Variants in EVL observed in about 807,000 individuals in gnomAD.
The protein encoded by EVL is ena/VASP-like protein.
Under a neutral mutation model 59.6 loss-of-function variants are expected in EVL, and 21 were observed. The ratio of observed to expected loss-of-function variants is 0.35; its 90% CI spans 0.25 to 0.51. The LOEUF (loss-of-function observed/expected upper bound fraction) is 0.51. Among genes scored for constraint, EVL ranks in the 20% least tolerant of loss-of-function variants. The pLI, the probability that EVL is intolerant of heterozygous loss-of-function variation, is 0.97. For missense variants in EVL, 462 were observed against 546.6 expected (o/e 0.85, Z 1.54); for synonymous variants, 198 against 203.5 (o/e 0.97, Z 0.23).
At chr14:100,082,880 C>T (rs1045775758) in intron 1 of EVL, among the ~76,000 whole-genome samples, 1 of 152,224 alleles carries the variant, frequency 6.6e-6, no homozygotes, top group East Asian at 1.9e-4. Flanking sequence ...CAGGAATGGG[C>T]TGGCACTGGT....
chr14:100,121,151 G>C (rs541927718), intron 3 of EVL, among the ~76,000 whole-genome samples: 1 of 152,190 alleles, frequency 6.6e-6, no homozygotes, highest in East Asian at 1.9e-4. Flanking sequence ...CACTAGACAC[G>C]AGGGAGTCTG....
intron 2 of EVL, among the ~76,000 whole-genome samples, chr14:100,090,380 A>G (rs771835384): frequency 1.3e-5 from 2 of 152,320 alleles, no homozygotes; most frequent in Non-Finnish European, 1.5e-5. Flanking sequence ...TAAAGAAGAA[A>G]CAATGCCAGT....
intron 1 of EVL, among the ~76,000 whole-genome samples, chr14:100,010,888 T>G (rs1199024415): frequency 4.6e-5 from 7 of 152,332 alleles, no homozygotes; most frequent in Non-Finnish European, 8.8e-5. Flanking sequence ...AATGTTCCGT[T>G]TTTCATCTTT....
At chr14:100,074,689 C>T (rs1368398541) in intron 1 of EVL, 1 of 152,660 alleles carries the variant, frequency 6.6e-6, no homozygotes, top group East Asian at 1.9e-4. Context: ...GGGCACCAGC[C>T]AGCCAGACTT....
chr14:99,982,642 G>A (rs1269780384), intron 1 of EVL, among the ~76,000 whole-genome samples: 4 of 152,020 alleles, frequency 2.6e-5, no homozygotes, highest in Non-Finnish European at 5.9e-5. Flanking sequence ...CCAGGGGAGG[G>A]AGCCCTGTTC....
In EVL at chr14:99,971,517, G is replaced by A. The variant is rs1432307674; in HGVS notation, c.-536G>A. 2.6e-5 allele frequency: 4 copies of A among 151,750 alleles called. No homozygotes were observed. The South Asian group carries it at 6.2e-4, about 24-fold the overall frequency. The allele number at this position is 151,750 out of a possible 1,614,324, so 9.4% of individuals were successfully genotyped here. Reference sequence around the variant, plus strand: ...GCGCTCATTCACCTCAGCGGCCGCGGGCGGAGGGGCGCACGCGCGCGCAGT... The same window carrying A: ...GCGCTCATTCACCTCAGCGGCCGCGAGCGGAGGGGCGCACGCGCGCGCAGT... On this transcript the variant is annotated 5_prime_UTR_variant, in exon 1 of 14. Coordinates refer to the EVL transcript ENST00000402714.
chr14:100,006,008 TTCC>T (rs745913037), intron 1 of EVL, among the ~76,000 whole-genome samples: 2,284 of 52,582 alleles, frequency 0.043, 66 homozygotes, highest in African/African-American at 0.12. Flanking sequence ...TGCTGGCCAT[TTCC>T]CCCCCCCCCC....
intron 1 of EVL, among the ~76,000 whole-genome samples, chr14:100,040,643 T>C (rs2140232456): frequency 6.6e-6 from 1 of 152,292 alleles, no homozygotes; most frequent in South Asian, 2.1e-4. Flanking sequence ...TGAGGCACCT[T>C]CCCTGGGATG....
intron 11 of EVL, chr14:100,140,276 T>C (rs1889084710): frequency 6.6e-6 from 1 of 152,094 alleles, no homozygotes; most frequent in African/African-American, 2.4e-5. Flanking sequence ...TACCTTAGTT[T>C]GGAAACTTTT....
intron 2 of EVL, chr14:100,085,195 A>T: frequency 5.4e-6 from 1 of 183,564 alleles, no homozygotes; most frequent in Non-Finnish European, 1.1e-5. Flanking sequence ...TTCATATGTA[A>T]GGTAGCTATT....
intron 1 of EVL, among the ~76,000 whole-genome samples, chr14:100,001,109 G>A (rs1038881836): frequency 2.6e-5 from 4 of 152,136 alleles, no homozygotes; most frequent in African/African-American, 7.2e-5. Context: ...TAGAGGCCAC[G>A]TTACTCTGAA....
At chr14:100,027,336 C>A (rs2061230995) in intron 1 of EVL, among the ~76,000 whole-genome samples, 1 of 152,114 alleles carries the variant, frequency 6.6e-6, no homozygotes, top group African/African-American at 2.4e-5. Flanking sequence ...CTACTGAACA[C>A]TAAATCTTAT....
chr14:100,034,084 A>G (rs370374157), intron 1 of EVL, among the ~76,000 whole-genome samples: 1 of 151,336 alleles, frequency 6.6e-6, no homozygotes, highest in Non-Finnish European at 1.5e-5. Flanking sequence ...ACAAAAAACA[A>G]AAAAAAACAG....
At chr14:100,076,722 A>G (rs1198937138) in intron 1 of EVL, among the ~76,000 whole-genome samples, 2 of 152,218 alleles carry the variant, frequency 1.3e-5, no homozygotes, top group African/African-American at 2.4e-5. Context: ...GCCACAGCAG[A>G]GGCCACAGAG....
intron 1 of EVL, among the ~76,000 whole-genome samples, chr14:100,024,059 G>A (rs1035218552): frequency 6.6e-6 from 1 of 152,130 alleles, no homozygotes; most frequent in African/African-American, 2.4e-5. Flanking sequence ...ATTTATTTCC[G>A]GGAGGAATGT....
At chr14:99,987,162 A>G (rs776800896) in intron 1 of EVL, among the ~76,000 whole-genome samples, 3 of 152,232 alleles carry the variant, frequency 2.0e-5, no homozygotes, top group Non-Finnish European at 2.9e-5. Context: ...ATCTGATAAG[A>G]GATTTATATC....
intron 1 of EVL, chr14:100,019,690 A>C (rs1189843155): frequency 3.9e-6 from 6 of 1,533,176 alleles, no homozygotes; most frequent in Admixed American, 2.0e-5. Context: ...GAATTCAGGT[A>C]TGTTCTGGGC....
chr14:99,986,884 A>C (rs1045957328), intron 1 of EVL, among the ~76,000 whole-genome samples: 17 of 152,204 alleles, frequency 1.1e-4, no homozygotes, highest in Admixed American at 3.9e-4. Flanking sequence ...CCTACCTCAC[A>C]CCATATACAA....
rs544746024 is a variant in EVL, at chr14:100,141,123, C to G, written c.1095-57C>G. The G allele has an allele frequency of 3.8e-6, 6 of 1,579,886 alleles. No homozygotes were observed. In the Admixed American group the frequency reaches 5.1e-5, roughly 13 times the overall value. On this transcript the variant is annotated intron_variant, in intron 11 of 13. Transcript: ENST00000392920. ...AGCCTGAGCGGGGCCTCTGCACAGC[C>G]AGCTTTCCCCCACACCTGTCTCCAG... is the stretch of plus-strand genomic sequence containing the variant.
Sources: allele counts gnomAD v4.1 joint callset (sites outside exome capture counted in the v4.1 genomes callset), GRCh38; gene constraint gnomAD v4.1.1; transcripts MANE v1.5; gene names NCBI Gene and HGNC (gene_info 2026-07-23, HGNC 2026-07-21).